Variants in TLL1 observed in about 807,000 individuals in gnomAD.
TLL1 encodes tolloid-like protein 1.
TLL1 carries 49 observed loss-of-function variants against 128.2 expected under a neutral mutation model. The ratio of observed to expected loss-of-function variants is 0.38; its 90% CI spans 0.30 to 0.48. The LOEUF (loss-of-function observed/expected upper bound fraction) is 0.48. Among genes scored for constraint, TLL1 ranks in the 20% least tolerant of loss-of-function variants. The pLI is 0.96. For missense variants in TLL1, 1,123 were observed against 1,242.0 expected (o/e 0.90, Z 1.44); for synonymous variants, 454 against 418.8 (o/e 1.08, Z -1.03).
At chr4:165,957,242 C>T (rs558354313) in intron 1 of TLL1, among the ~76,000 whole-genome samples, 4 of 152,106 alleles carry the variant, frequency 2.6e-5, no homozygotes, top group African/African-American at 9.6e-5. Context: ...CAACAATAGT[C>T]AGTAAGGACA....
At chr4:165,969,837 C>T (rs1160616453) in intron 1 of TLL1, among the ~76,000 whole-genome samples, 2 of 152,032 alleles carry the variant, frequency 1.3e-5, no homozygotes, top group East Asian at 1.9e-4. Context: ...AAGTTTAACT[C>T]GTCCTTTGAA....
At chr4:166,052,676 A>G (rs1739799366) in intron 12 of TLL1, among the ~76,000 whole-genome samples, 1 of 151,938 alleles carries the variant, frequency 6.6e-6, no homozygotes, top group Non-Finnish European at 1.5e-5. Context: ...GTGGTTTTCT[A>G]TCTCATTCTT....
chr4:165,892,689 C>T (rs1243176213), intron 1 of TLL1, among the ~76,000 whole-genome samples: 2 of 152,160 alleles, frequency 1.3e-5, no homozygotes, highest in Admixed American at 1.3e-4. Context: ...GTGCTAAGAA[C>T]ATATTCACTA....
At chr4:166,001,941 C>A (rs534556067) in intron 5 of TLL1, among the ~76,000 whole-genome samples, 6 of 152,198 alleles carry the variant, frequency 3.9e-5, no homozygotes, top group Non-Finnish European at 5.9e-5. Context: ...AAATCAATCT[C>A]AATTATTAGA....
intron 1 of TLL1, among the ~76,000 whole-genome samples, chr4:165,972,482 A>G (rs1735671638): frequency 6.6e-6 from 1 of 152,068 alleles, no homozygotes; most frequent in East Asian, 1.9e-4. Context: ...CCTGAATCTC[A>G]GTAAGATATT....
intron 8 of TLL1, among the ~76,000 whole-genome samples, chr4:166,018,375 C>A (rs947042494): frequency 1.3e-5 from 2 of 152,032 alleles, no homozygotes; most frequent in African/African-American, 4.8e-5. Context: ...TAGGGATCAC[C>A]ATTCTGGACA....
intron 5 of TLL1, among the ~76,000 whole-genome samples, chr4:165,995,462 A>G (rs1005001703): frequency 3.9e-5 from 6 of 152,174 alleles, no homozygotes; most frequent in South Asian, 2.1e-4. Context: ...AGTATAGTCA[A>G]CTAGGGATTC....
chr4:165,875,844 G>A (rs1730700975), intron 1 of TLL1, among the ~76,000 whole-genome samples: 1 of 151,990 alleles, frequency 6.6e-6, no homozygotes, highest in African/African-American at 2.4e-5. Flanking sequence ...TTTGCACCAT[G>A]TGTATTGAAA....
intron 9 of TLL1, among the ~76,000 whole-genome samples, chr4:166,028,702 A>T (rs1738620660): frequency 6.6e-6 from 1 of 151,996 alleles, no homozygotes; most frequent in South Asian, 2.1e-4. Flanking sequence ...TGATGTATTA[A>T]ACTATTATCA....
chr4:165,915,470 TC>T (rs758062918), intron 1 of TLL1, among the ~76,000 whole-genome samples: 3 of 152,356 alleles, frequency 2.0e-5, no homozygotes, highest in Non-Finnish European at 4.4e-5. Context: ...TACTTAATTG[TC>T]TGCAGGAAGC....
chr4:166,031,034 AT>A (rs1223003222), intron 9 of TLL1: 10 of 897,774 alleles, frequency 1.1e-5, no homozygotes, highest in African/African-American at 9.1e-5. Context: ...AGCACTAAAA[AT>A]TTAATAAGTT....
chr4:166,103,559 G>A lies in TLL1; in HGVS notation c.*2683G>A, dbSNP rs927976164. The stretch of plus-strand genomic sequence containing the variant: ...AACTGAGAAATTAGGTATTTAGAAG[G>A]CATATAGAGATGTTGTCATAACTAG... On this transcript the variant is annotated 3_prime_UTR_variant, in exon 21 of 21. Coordinates refer to ENST00000061240, the MANE Select transcript of TLL1 (RefSeq NM_012464.5). 7.9e-5 allele frequency: 12 copies of A among 151,670 alleles called. No individual in the cohort carries two copies. Among genetic ancestry groups the A allele is most frequent in the Admixed American group, 5.3e-4 (8 of 15,190 alleles). The allele number at this position is 151,670 out of a possible 1,614,324, so 9.4% of individuals were successfully genotyped here. A position where few individuals can be genotyped will look rare whatever the true frequency, so the allele number is the denominator to read the frequency against.
chr4:166,017,897 C>A (rs1182232287), intron 8 of TLL1, among the ~76,000 whole-genome samples: 1 of 152,156 alleles, frequency 6.6e-6, no homozygotes, highest in Non-Finnish European at 1.5e-5. Context: ...GCATAAAATA[C>A]TTACCACAAG....
intron 15 of TLL1, 30 bp from the exon 16 acceptor site, chr4:166,065,652 TC>T: frequency 1.2e-6 from 2 of 1,609,186 alleles, no homozygotes; most frequent in African/African-American, 1.3e-5. Context: ...TACTCACAAA[TC>T]TGGCAACTGA....
chr4:165,992,716 A>G, intron 2 of TLL1, 88 bp from the exon 3 acceptor site: 1 of 1,216,934 alleles, frequency 8.2e-7, no homozygotes, highest in South Asian at 1.2e-5. Context: ...AAATGACCAA[A>G]GAGAAATCAT....
chr4:165,988,745 A>G (rs1437623455), intron 1 of TLL1, among the ~76,000 whole-genome samples: 1 of 152,122 alleles, frequency 6.6e-6, no homozygotes, highest in African/African-American at 2.4e-5. Flanking sequence ...AAGATAAAAA[A>G]TCTGGCATCT....
rs139338543 is a variant in TLL1 at position 165,956,025 on chromosome 4, G to A, written c.170-33356G>A. On this transcript the variant is annotated intron_variant, in intron 1 of 20. Coordinates refer to ENST00000061240, the MANE Select transcript of TLL1 (RefSeq NM_012464.5). ...GCTTTTTATTAAGGGTTTCTAAAGG[G>A]GAGGGGGTGTAAAACAGGGAGTAGA... Among the ~76,000 whole-genome samples, 1,029 of 152,184 alleles carry A rather than the reference G, an allele frequency of 6.8e-3. 13 individuals carry two copies. The highest frequency in any genetic ancestry group is 0.023 in the African/African-American group (971 of 41,532).
intron 1 of TLL1, among the ~76,000 whole-genome samples, chr4:165,908,669 C>G (rs1325387311): frequency 6.6e-6 from 1 of 150,884 alleles, no homozygotes; most frequent in African/African-American, 2.4e-5. Context: ...GTTGGAGATA[C>G]AGAGTCAGAG....
intron 1 of TLL1, among the ~76,000 whole-genome samples, chr4:165,891,634 G>T (rs9995426): frequency 6.6e-6 from 1 of 152,068 alleles, no homozygotes; most frequent in Admixed American, 6.6e-5. Flanking sequence ...AGCCCAATAA[G>T]TTTCTCATCT....
Sources: allele counts gnomAD v4.1 joint callset (sites outside exome capture counted in the v4.1 genomes callset), GRCh38; gene constraint gnomAD v4.1.1; transcripts MANE v1.5; gene names NCBI Gene and HGNC (gene_info 2026-07-23, HGNC 2026-07-21).